IMMP2L: variants seen among roughly 807,000 people sequenced by gnomAD.
IMMP2L encodes the protein mitochondrial inner membrane protease subunit 2.
A neutral mutation model predicts 19.3 loss-of-function variants in IMMP2L; 18 were observed. The ratio of observed to expected loss-of-function variants is 0.93; its 90% CI spans 0.64 to 1.38. The LOEUF is 1.38. Ranked by LOEUF, IMMP2L falls within the 40% of genes most tolerant of loss-of-function variation. The pLI is 0.00. For synonymous variants in IMMP2L, 76 were observed against 73.0 expected (o/e 1.04, Z -0.21); for missense variants, 233 against 218.2 (o/e 1.07, Z -0.43).
In IMMP2L at chr7:111,293,060, A is replaced by T. The variant is rs558013267; in HGVS notation, c.239+194178T>A. Among the ~76,000 whole-genome samples the T allele has an allele frequency of 2.0e-5, 3 of 152,116 alleles. No individual in the cohort carries two copies. The South Asian group carries it at 6.2e-4, about 32-fold the overall frequency. On this transcript the variant is annotated intron_variant, in intron 3 of 5. Coordinates refer to ENST00000405709, the MANE Select transcript of IMMP2L (RefSeq NM_032549.4). ...CTTTTCAGTCAGAGCAGCAGCAAGGACATGAGATATAAGCAATGGTGTACA... is the reference window on the plus strand; with the variant it reads ...CTTTTCAGTCAGAGCAGCAGCAAGGTCATGAGATATAAGCAATGGTGTACA...
chr7:111,512,712 T>C (rs1310864639), intron 2 of IMMP2L, among the ~76,000 whole-genome samples: 1 of 151,756 alleles, frequency 6.6e-6, no homozygotes, highest in Non-Finnish European at 1.5e-5. Flanking sequence ...AAATGCAAAA[T>C]TATAGTAATC....
At chr7:111,134,376 G>A (rs1802136684) in intron 3 of IMMP2L, among the ~76,000 whole-genome samples, 1 of 151,940 alleles carries the variant, frequency 6.6e-6, no homozygotes, top group African/African-American at 2.4e-5. Flanking sequence ...TAGATGTACT[G>A]ATCCACATAA....
chr7:110,775,325 C>G (rs974961740), intron 5 of IMMP2L, among the ~76,000 whole-genome samples: 23 of 148,054 alleles, frequency 1.6e-4, no homozygotes, highest in African/African-American at 5.0e-4. Context: ...AAAGTGTGTA[C>G]ATTTACAAAA....
intron 3 of IMMP2L, among the ~76,000 whole-genome samples, chr7:111,106,995 AC>A (rs1234283518): frequency 6.6e-6 from 1 of 152,004 alleles, no homozygotes; most frequent in African/African-American, 2.4e-5. Context: ...AAATGCAAAA[AC>A]AATTACTCTG....
intron 3 of IMMP2L, among the ~76,000 whole-genome samples, chr7:111,439,423 T>C (rs1306156129): frequency 6.6e-6 from 1 of 151,876 alleles, no homozygotes; most frequent in African/African-American, 2.4e-5. Flanking sequence ...GGAGATACCA[T>C]AGGTTCAGTT....
intron 3 of IMMP2L, among the ~76,000 whole-genome samples, chr7:111,211,995 T>C (rs1025443825): frequency 6.6e-6 from 1 of 151,998 alleles, no homozygotes. Context: ...AGACTCCGTC[T>C]CAAAAACAAA....
At chr7:110,691,679 A>T (rs1245271366) in intron 5 of IMMP2L, among the ~76,000 whole-genome samples, 1 of 152,206 alleles carries the variant, frequency 6.6e-6, no homozygotes, top group Non-Finnish European at 1.5e-5. Flanking sequence ...TCAAAAAAAG[A>T]TAAACAAATG....
intron 3 of IMMP2L, among the ~76,000 whole-genome samples, chr7:111,415,386 T>G (rs1013994272): frequency 6.6e-6 from 1 of 151,784 alleles, no homozygotes; most frequent in Non-Finnish European, 1.5e-5. Context: ...TATAAGAACT[T>G]GAGCACAAAA....
chr7:111,101,683 T>C (rs959360609), intron 3 of IMMP2L, among the ~76,000 whole-genome samples: 1 of 151,626 alleles, frequency 6.6e-6, no homozygotes. Context: ...TATATTGTCT[T>C]GTGTCTTCCC....
chr7:110,683,654 G>A (rs766709235), intron 5 of IMMP2L, among the ~76,000 whole-genome samples: 1 of 152,078 alleles, frequency 6.6e-6, no homozygotes, highest in Non-Finnish European at 1.5e-5. Flanking sequence ...ATAAAGCATA[G>A]TTTGAATGAC....
chr7:111,206,054 G>T (rs1380304760), intron 3 of IMMP2L, among the ~76,000 whole-genome samples: 2 of 152,124 alleles, frequency 1.3e-5, no homozygotes, highest in Non-Finnish European at 2.9e-5. Flanking sequence ...AATCTCTAAA[G>T]ACATCCCAAT....
At chr7:110,695,658 G>C (rs1012731331) in intron 5 of IMMP2L, among the ~76,000 whole-genome samples, 17 of 152,184 alleles carry the variant, frequency 1.1e-4, no homozygotes, top group Admixed American at 1.0e-3. Context: ...GGCAGTCCCT[G>C]ATAGAAAAGG....
intron 3 of IMMP2L, among the ~76,000 whole-genome samples, chr7:111,014,290 G>A (rs185339825): frequency 2.0e-5 from 3 of 152,148 alleles, no homozygotes; most frequent in East Asian, 3.9e-4. Context: ...GGGAGGCAGA[G>A]GTTGCAGTGA....
chr7:111,081,099 T>A (rs375659350), intron 3 of IMMP2L, among the ~76,000 whole-genome samples: 4 of 152,218 alleles, frequency 2.6e-5, no homozygotes, highest in African/African-American at 9.6e-5. Flanking sequence ...TCTTCTTTCA[T>A]GCTTTCAAAT....
intron 3 of IMMP2L, among the ~76,000 whole-genome samples, chr7:110,971,766 G>A (rs909994824): frequency 1.1e-4 from 16 of 152,010 alleles, no homozygotes; most frequent in Admixed American, 6.6e-5. Flanking sequence ...CTGAAAATTT[G>A]TATCCATTCC....
intron 5 of IMMP2L, among the ~76,000 whole-genome samples, chr7:110,705,584 C>A (rs908689116): frequency 1.3e-5 from 2 of 151,922 alleles, no homozygotes; most frequent in South Asian, 2.1e-4. Context: ...TAAATAATTT[C>A]AACTTTTATT....
At chr7:111,184,980 C>T (rs951181776) in intron 3 of IMMP2L, among the ~76,000 whole-genome samples, 2 of 152,172 alleles carry the variant, frequency 1.3e-5, no homozygotes, top group Non-Finnish European at 2.9e-5. Flanking sequence ...CAGTCCCTAT[C>T]AAAAGCAAGA....
intron 5 of IMMP2L, among the ~76,000 whole-genome samples, chr7:110,865,949 A>G (rs1807939181): frequency 6.6e-6 from 1 of 152,066 alleles, no homozygotes; most frequent in Non-Finnish European, 1.5e-5. Flanking sequence ...GGCATGTCAA[A>G]GTACATTCAG....
intron 3 of IMMP2L, among the ~76,000 whole-genome samples, chr7:111,223,592 T>A (rs1327650902): frequency 2.0e-5 from 3 of 152,148 alleles, no homozygotes; most frequent in Non-Finnish European, 4.4e-5. Context: ...CCTTTTGTAT[T>A]ACTAATCCTA....
Sources: allele counts gnomAD v4.1 joint callset (sites outside exome capture counted in the v4.1 genomes callset), GRCh38; gene constraint gnomAD v4.1.1; transcripts MANE v1.5; gene names NCBI Gene and HGNC (gene_info 2026-07-23, HGNC 2026-07-21).